NEB: variants seen among roughly 807,000 people sequenced by gnomAD.
The protein encoded by NEB is nebulin.
A neutral mutation model predicts 952.2 loss-of-function variants in NEB; 512 were observed. The observed-to-expected ratio is 0.54, with a 90% CI of 0.50 to 0.58. NEB has a LOEUF of 0.58. Ranked by LOEUF, NEB falls within the 20% of genes least tolerant of loss-of-function variation. The pLI is 0.00. For synonymous variants in NEB, 2,900 were observed against 3,149.8 expected, an observed-to-expected ratio of 0.92 and a Z score of 2.66; for missense variants, 8,428 against 9,231.1, an observed-to-expected ratio of 0.91 and a Z score of 3.56.
chr2:151,554,024 C>T lies in NEB; in HGVS notation c.19430G>A (p.Arg6477His), dbSNP rs762108795. 38 of 1,613,238 alleles carry T rather than the reference C, an allele frequency of 2.4e-5. No homozygotes were observed. The highest frequency in any genetic ancestry group is 9.3e-5 in the African/African-American group (7 of 74,878). ...CLRVGKLNID[R>H]LYRSVYEKNK... ...CTTTTCATAAACTGATCTGTACAGGCGCTGTAAAGTTAAAATCACATGCCA... is the reference window on the plus strand; with the variant it reads ...CTTTTCATAAACTGATCTGTACAGGTGCTGTAAAGTTAAAATCACATGCCA... Residue 6477 changes from arginine (R) to histidine (H), a missense_variant and splice_region_variant, in exon 126 of 182, where the codon CGC (arginine) becomes CAC (histidine). Transcript: ENST00000397345.
chr2:151,578,986 C>T (rs1368575151), intron 105 of NEB, among the ~76,000 whole-genome samples: 1 of 144,526 alleles, frequency 6.9e-6, no homozygotes, highest in Non-Finnish European at 1.5e-5. Flanking sequence ...GAGGCTGATG[C>T]AGGAACATCG....
intron 150 of NEB, 28 bp from the exon 151 acceptor site, chr2:151,525,301 A>G: frequency 1.3e-6 from 2 of 1,484,932 alleles, no homozygotes; most frequent in Non-Finnish European, 9.4e-7. Flanking sequence ...TACTTTTATG[A>G]GTAGAGGAAG....
At chr2:151,636,835 T>A (rs938883379) in intron 63 of NEB, among the ~76,000 whole-genome samples, 12 of 152,292 alleles carry the variant, frequency 7.9e-5, no homozygotes, top group African/African-American at 2.9e-4. Context: ...AATGCACCTT[T>A]ATTTTTTACT....
chr2:151,550,449 C>G (rs1474041864), intron 129 of NEB, among the ~76,000 whole-genome samples: 64 of 152,076 alleles, frequency 4.2e-4, no homozygotes, highest in East Asian at 1.9e-4. Context: ...TATAGCCAGG[C>G]ACATGTTTGT....
At chr2:151,529,557 TTCTC>T (rs552566305) in intron 145 of NEB, among the ~76,000 whole-genome samples, 26 of 151,128 alleles carry the variant, frequency 1.7e-4, no homozygotes, top group Middle Eastern at 3.4e-3. Context: ...TTTTAACAGA[TTCTC>T]TCTCTGTCAC....
At chr2:151,561,179 C>T (rs780145438) in intron 122 of NEB, 29 bp downstream of exon 122, 238 of 1,582,222 alleles carry the variant, frequency 1.5e-4, no homozygotes, top group Non-Finnish European at 2.0e-4. Flanking sequence ...AATAGTTTGT[C>T]CCTGGAAGAG....
rs780030963 is a variant in NEB, at chr2:151,570,346, C to T, written c.17165G>A (p.Gly5722Asp). 1.1e-5 allele frequency: 17 copies of T among 1,599,216 alleles called. No individual in the cohort carries two copies. Among genetic ancestry groups the T allele is most frequent in the African/African-American group, 2.7e-5 (2 of 74,398 alleles). Residue 5722 changes from glycine (G) to aspartate (D), a missense_variant, in exon 109 of 182, where the codon GGC becomes GAC. Gly to Asp is a moderately conservative substitution (Grantham distance 94). Transcript: ENST00000397345. ...DHEKQKGHYV[G>D]TLTARDDNKI... ...GTTGTCATCCCTGGCTGTGAGGGTG[C>T]CCACGTAGTGTCCCTTCTGCTTCTC...
chr2:151,720,378 A>C (rs1023797584), intron 9 of NEB, among the ~76,000 whole-genome samples: 4 of 152,216 alleles, frequency 2.6e-5, no homozygotes, highest in African/African-American at 9.6e-5. Flanking sequence ...CAATAATTGT[A>C]GAAGTTCATA....
In NEB at chr2:151,677,870, AC is replaced by A; in HGVS notation, c.3567+5del. On this transcript the variant is annotated splice_donor_5th_base_variant and intron_variant, in intron 33 of 181. Coordinates refer to ENST00000397345, the MANE Select transcript of NEB (RefSeq NM_001164508.2). ...GGGGGTTTCTTGAGAAGTAAATGAC[AC>A]TTACATCACTCTGTATCTGCATCAT... 1 of 1,607,232 alleles carries A rather than the reference AC, an allele frequency of 6.2e-7. No homozygotes were observed. Among genetic ancestry groups the A allele is most frequent in the Non-Finnish European group, 8.5e-7 (1 of 1,175,790 alleles).
Position 151,665,387 on chromosome 2 carries a change from GGCGTAAGTGAACTTCA to G in NEB, c.5168_5183del (p.Leu1723ProfsTer15). On this transcript the variant is annotated frameshift_variant, in exon 42 of 182. Transcript: ENST00000397345. LOFTEE classifies it high-confidence loss of function. ...TAAGTGCCTGTTCCATTGTGTCCAT[GGCGTAAGTGAACTTCA>G]GCTTCTCGGGGTGCTGGCGATACTT... is the stretch of plus-strand genomic sequence containing the variant. 1 of 1,613,662 alleles carries G rather than the reference GGCGTAAGTGAACTTCA, an allele frequency of 6.2e-7. No individual in the cohort carries two copies. Among genetic ancestry groups the G allele is most frequent in the Non-Finnish European group, 8.5e-7 (1 of 1,179,788 alleles).
intron 145 of NEB, among the ~76,000 whole-genome samples, chr2:151,529,759 C>G (rs918688853): frequency 2.0e-5 from 3 of 152,120 alleles, no homozygotes; most frequent in Admixed American, 1.3e-4. Context: ...GAACTCGTGA[C>G]CTCAGGTGAT....
intron 130 of NEB, 99 bp downstream of exon 130, chr2:151,549,537 T>C (rs2095122608): frequency 1.2e-6 from 1 of 816,170 alleles, no homozygotes; most frequent in Admixed American, 2.0e-5. Context: ...AGGTTGAACC[T>C]TGAGGGTGAG....
chr2:151,658,804 C>A (rs572249041), intron 47 of NEB, among the ~76,000 whole-genome samples: 1 of 152,210 alleles, frequency 6.6e-6, no homozygotes, highest in East Asian at 1.9e-4. Context: ...TTTCTTTCTA[C>A]CAAATCTCTC....
chr2:151,644,329 C>G, intron 56 of NEB, 139 bp downstream of exon 56: 1 of 1,037,608 alleles, frequency 9.6e-7, no homozygotes, highest in Non-Finnish European at 1.4e-6. Flanking sequence ...ATCTTATCCT[C>G]ATCCCACACT....
intron 110 of NEB, among the ~76,000 whole-genome samples, chr2:151,569,050 A>G (rs2096536893): frequency 6.6e-6 from 1 of 152,216 alleles, no homozygotes. Context: ...TTCCATTTAT[A>G]CAATGCCAAG....
At chr2:151,564,788 C>T (rs2096279587) in intron 117 of NEB, among the ~76,000 whole-genome samples, 1 of 152,220 alleles carries the variant, frequency 6.6e-6, no homozygotes, top group South Asian at 2.1e-4. Context: ...CTCCTGAAGG[C>T]TTGTCTCATT....
At chr2:151,575,425 C>T (rs1453913379) in intron 107 of NEB, among the ~76,000 whole-genome samples, 2 of 152,128 alleles carry the variant, frequency 1.3e-5, no homozygotes, top group Non-Finnish European at 2.9e-5. Flanking sequence ...TCTCTTCATT[C>T]GTCTTTCACC....
chr2:151,526,275 G>A lies in NEB; in HGVS notation c.21946-13C>T. On this transcript the variant is annotated splice_polypyrimidine_tract_variant and intron_variant, in intron 148 of 181. Transcript: ENST00000397345. ...CTTTGTATTTCAGCTTCAGGGGCAG[G>A]AAAAGGGGCATTTCTTTAGCTCTGC... The A allele has an allele frequency of 6.4e-7, 1 of 1,565,086 alleles. No individual in the cohort carries two copies. Among genetic ancestry groups the A allele is most frequent in the South Asian group, 1.1e-5 (1 of 88,626 alleles).
chr2:151,568,853 GCTTT>G (rs1224283839), intron 110 of NEB, 137 bp from the exon 111 acceptor site: 5 of 673,324 alleles, frequency 7.4e-6, no homozygotes, highest in African/African-American at 7.3e-5. Context: ...TGGGAATTTG[GCTTT>G]CTTTTTAGCA....
Sources: allele counts gnomAD v4.1 joint callset (sites outside exome capture counted in the v4.1 genomes callset), GRCh38; gene constraint gnomAD v4.1.1; transcripts MANE v1.5; gene names NCBI Gene and HGNC (gene_info 2026-07-23, HGNC 2026-07-21).